GABRG3: variants seen among roughly 807,000 people sequenced by gnomAD.
The protein encoded by GABRG3 is gamma-aminobutyric acid type A receptor subunit gamma3.
A neutral mutation model predicts 48.8 loss-of-function variants in GABRG3; 25 were observed. That is an observed-to-expected ratio of 0.51 (90% confidence interval 0.37 to 0.72). The LOEUF (loss-of-function observed/expected upper bound fraction) is 0.72. Among genes scored for constraint, GABRG3 ranks in the 30% least tolerant of loss-of-function variants. The pLI is 0.00. For missense variants in GABRG3, 394 were observed against 577.9 expected, an observed-to-expected ratio of 0.68 and a Z score of 3.26; for synonymous variants, 227 against 217.6, an observed-to-expected ratio of 1.04 and a Z score of -0.38.
At chr15:27,287,959 G>T (rs1221527741) in intron 3 of GABRG3, among the ~76,000 whole-genome samples, 1 of 151,992 alleles carries the variant, frequency 6.6e-6, no homozygotes, top group East Asian at 1.9e-4. Context: ...GGATGGTCTT[G>T]ATCTCCTGAC....
At chr15:27,248,539 C>T (rs1027694746) in intron 3 of GABRG3, among the ~76,000 whole-genome samples, 1 of 152,108 alleles carries the variant, frequency 6.6e-6, no homozygotes, top group Non-Finnish European at 1.5e-5. Flanking sequence ...ACACAGCACA[C>T]GCATCTCAGA....
chr15:26,991,944 T>A (rs2140648020), intron 2 of GABRG3, among the ~76,000 whole-genome samples: 1 of 152,150 alleles, frequency 6.6e-6, no homozygotes, highest in Admixed American at 6.5e-5. Context: ...ATGGTCTTGA[T>A]CTCCTGACCT....
chr15:27,342,585 G>A (rs1449428540), intron 5 of GABRG3, among the ~76,000 whole-genome samples: 1 of 152,232 alleles, frequency 6.6e-6, no homozygotes, highest in African/African-American at 2.4e-5. Context: ...GCAAGGGTTC[G>A]CAGATTCTCA....
chr15:26,986,619 A>G (rs1895156364), intron 2 of GABRG3, among the ~76,000 whole-genome samples: 1 of 152,218 alleles, frequency 6.6e-6, no homozygotes, highest in South Asian at 2.1e-4. Context: ...TTCATTAAAA[A>G]TATGTGCTGG....
intron 5 of GABRG3, among the ~76,000 whole-genome samples, chr15:27,333,153 T>C (rs1218411938): frequency 6.6e-6 from 1 of 152,234 alleles, no homozygotes; most frequent in African/African-American, 2.4e-5. Flanking sequence ...AGTGTACTCA[T>C]AGAAACTGAA....
At chr15:27,258,132 A>T (rs1053199467) in intron 3 of GABRG3, among the ~76,000 whole-genome samples, 13 of 152,160 alleles carry the variant, frequency 8.5e-5, no homozygotes, top group African/African-American at 2.6e-4. Context: ...TCACGAGGGC[A>T]TTGTAAGGGA....
At chr15:27,084,013 C>T (rs974073099) in intron 3 of GABRG3, among the ~76,000 whole-genome samples, 4 of 152,186 alleles carry the variant, frequency 2.6e-5, no homozygotes, top group African/African-American at 9.7e-5. Context: ...GGTTTGGTGT[C>T]TGGGCTGGAG....
intron 5 of GABRG3, among the ~76,000 whole-genome samples, chr15:27,433,897 T>C (rs1176399624): frequency 6.6e-6 from 1 of 152,216 alleles, no homozygotes; most frequent in Non-Finnish European, 1.5e-5. Context: ...GTGTCCTGTT[T>C]ACAAACACTA....
intron 5 of GABRG3, among the ~76,000 whole-genome samples, chr15:27,438,553 C>G (rs1362537992): frequency 6.6e-6 from 1 of 152,140 alleles, no homozygotes; most frequent in African/African-American, 2.4e-5. Context: ...GGGAGGGCTG[C>G]CGTCTGCTCA....
intron 3 of GABRG3, among the ~76,000 whole-genome samples, chr15:27,097,621 C>G (rs936020275): frequency 6.6e-6 from 1 of 152,034 alleles, no homozygotes; most frequent in Non-Finnish European, 1.5e-5. Flanking sequence ...TTCACCCTGC[C>G]GCAGAGACAC....
rs58222645 is a variant in GABRG3, at chr15:27,518,195, C to CA, written c.713-1756dup. On this transcript the variant is annotated intron_variant, in intron 6 of 9. Transcript: ENST00000615808. ...TGAAACCCCAACTCTACTAAAAATA[C>CA]AAAAAAAAAAAAAAAAAAAAAGAAT... Among the ~76,000 whole-genome samples, 404 of 88,016 alleles carry CA rather than the reference C, an allele frequency of 4.6e-3. 3 individuals carry two copies. Among genetic ancestry groups the CA allele is most frequent in the Middle Eastern group, 0.013 (2 of 154 alleles). The allele number at this position is 88,016 out of a possible 152,430, so 57.7% of individuals were successfully genotyped here. A position where few individuals can be genotyped will look rare whatever the true frequency, so the allele number is the denominator to read the frequency against.
chr15:27,386,484 T>C (rs183016493), intron 5 of GABRG3, among the ~76,000 whole-genome samples: 1 of 151,794 alleles, frequency 6.6e-6, no homozygotes, highest in Admixed American at 6.6e-5. Flanking sequence ...CTCCCAAGAT[T>C]GTTTGTCACC....
chr15:27,409,725 A>G (rs917566591), intron 5 of GABRG3, among the ~76,000 whole-genome samples: 1 of 152,130 alleles, frequency 6.6e-6, no homozygotes, highest in Non-Finnish European at 1.5e-5. Flanking sequence ...TCCATTATTT[A>G]TATCTTTATT....
Position 27,515,918 on chromosome 15 carries a change from T to C in GABRG3, c.713-4054T>C, listed in dbSNP as rs140407821. ...CATTAGAAATACATTCTGTGAAGGG[T>C]TTTCCTTTTTTAAATTTTCTGTGAA... On this transcript the variant is annotated intron_variant, in intron 6 of 9. Coordinates refer to ENST00000615808, the MANE Select transcript of GABRG3 (RefSeq NM_033223.5). 2.1e-3 allele frequency among the ~76,000 whole-genome samples: 321 copies of C among 152,294 alleles called. 1 individual carries two copies. Among genetic ancestry groups the C allele is most frequent in the African/African-American group, 6.5e-3 (272 of 41,556 alleles).
At chr15:27,290,970 TA>T (rs928603588) in intron 3 of GABRG3, among the ~76,000 whole-genome samples, 11 of 152,212 alleles carry the variant, frequency 7.2e-5, no homozygotes, top group African/African-American at 2.4e-4. Flanking sequence ...AAAACTCTTA[TA>T]AAAGTTTGTT....
chr15:27,506,859 T>A (rs1185093878), intron 6 of GABRG3, among the ~76,000 whole-genome samples: 2 of 151,966 alleles, frequency 1.3e-5, no homozygotes, highest in Admixed American at 1.3e-4. Flanking sequence ...TCTGGTTTTT[T>A]TTCACTAAAG....
chr15:27,203,943 G>GA (rs1016552604), intron 3 of GABRG3, among the ~76,000 whole-genome samples: 1 of 151,658 alleles, frequency 6.6e-6, no homozygotes, highest in African/African-American at 2.4e-5. Context: ...TTAAGTTTCT[G>GA]AAAGTTAGGC....
intron 3 of GABRG3, among the ~76,000 whole-genome samples, chr15:27,239,051 A>G (rs1391318684): frequency 6.6e-6 from 1 of 152,248 alleles, no homozygotes; most frequent in Non-Finnish European, 1.5e-5. Flanking sequence ...TACGCTTGCC[A>G]TAGTAAACTA....
chr15:27,072,258 G>A (rs547544398), intron 3 of GABRG3, among the ~76,000 whole-genome samples: 12 of 152,198 alleles, frequency 7.9e-5, no homozygotes, highest in African/African-American at 2.6e-4. Flanking sequence ...ATTTCTCTCT[G>A]TGTCCCCAGT....
Sources: gnomAD v4.1 joint callset for allele counts (sites outside exome capture counted in the v4.1 genomes callset) on GRCh38, gnomAD v4.1.1 for gene constraint, MANE v1.5 for transcripts, NCBI Gene and HGNC (gene_info 2026-07-23, HGNC 2026-07-21) for gene names.